The following NLGN1 variants were observed in gnomAD, a reference collection of about 807,000 sequenced individuals.
NLGN1 encodes the protein neuroligin 1, also known as neuroligin-1.
NLGN1 carries 12 observed loss-of-function variants against 65.5 expected under a neutral mutation model. The ratio of observed to expected loss-of-function variants is 0.18; its 90% confidence interval spans 0.12 to 0.30. The LOEUF (loss-of-function observed/expected upper bound fraction) is 0.30, where lower values mean the gene tolerates loss of function less well. Ranked by LOEUF, NLGN1 falls within the 10% of genes least tolerant of loss-of-function variation. NLGN1 has a pLI of 1.00. For synonymous variants in NLGN1, 350 were observed against 359.5 expected, an observed-to-expected ratio of 0.97 and a Z score of 0.30; for missense variants, 750 against 1,007.1, an observed-to-expected ratio of 0.74 and a Z score of 3.46.
intron 3 of NLGN1, among the ~76,000 whole-genome samples, chr3:173,694,960 A>G (rs1436170334): frequency 6.6e-6 from 1 of 152,186 alleles, no homozygotes; most frequent in Non-Finnish European, 1.5e-5. Context: ...AGATTTCATT[A>G]ATAAATTCTG....
chr3:173,471,193 G>A lies in NLGN1; in HGVS notation c.-321+36115G>A, dbSNP rs567698635. ...TCAGCATTAAGTTTCTAAATTCTGTGATATATCTACAGGTAGATTGGTTTT... is the reference window on the plus strand; with the variant it reads ...TCAGCATTAAGTTTCTAAATTCTGTAATATATCTACAGGTAGATTGGTTTT... On this transcript the variant is annotated intron_variant, in intron 2 of 6. Coordinates refer to ENST00000457714, the Ensembl canonical transcript of NLGN1. Among the ~76,000 whole-genome samples the A allele has an allele frequency of 8.5e-4, 129 of 152,170 alleles. 1 individual carries two copies. Among genetic ancestry groups the A allele is most frequent in the Middle Eastern group, 3.4e-3 (1 of 294 alleles).
chr3:173,421,945 A>G (rs1715138188), intron 1 of NLGN1, among the ~76,000 whole-genome samples: 1 of 152,168 alleles, frequency 6.6e-6, no homozygotes, highest in South Asian at 2.1e-4. Context: ...TAACGATTTT[A>G]CATATTAATA....
chr3:173,529,694 A>G (rs2149175198), intron 2 of NLGN1, among the ~76,000 whole-genome samples: 1 of 152,252 alleles, frequency 6.6e-6, no homozygotes, highest in South Asian at 2.1e-4. Context: ...CTCAGTAGGA[A>G]CGGTTTTGGG....
intron 2 of NLGN1, among the ~76,000 whole-genome samples, chr3:173,572,517 T>A (rs1744814491): frequency 6.6e-6 from 1 of 152,224 alleles, no homozygotes; most frequent in African/African-American, 2.4e-5. Flanking sequence ...TGCTTGCAAT[T>A]TCTGGATGAA....
intron 4 of NLGN1, among the ~76,000 whole-genome samples, chr3:174,097,921 C>G (rs1044654953): frequency 6.6e-6 from 1 of 152,068 alleles, no homozygotes; most frequent in East Asian, 1.9e-4. Flanking sequence ...AATAACTGCC[C>G]GCCATTTAAC....
chr3:173,951,123 T>A (rs1748121992), intron 4 of NLGN1, among the ~76,000 whole-genome samples: 1 of 152,036 alleles, frequency 6.6e-6, no homozygotes, highest in Admixed American at 6.5e-5. Flanking sequence ...TGCCTCGGCC[T>A]CCCAGAGTGC....
chr3:173,639,183 G>C (rs1466272421), intron 3 of NLGN1, among the ~76,000 whole-genome samples: 5 of 152,186 alleles, frequency 3.3e-5, no homozygotes, highest in Non-Finnish European at 7.3e-5. Flanking sequence ...AAATATTCAA[G>C]CAATAAACAA....
chr3:173,675,854 T>TTC (rs1208583644), intron 3 of NLGN1, among the ~76,000 whole-genome samples: 1 of 108,430 alleles, frequency 9.2e-6, no homozygotes, highest in Non-Finnish European at 2.0e-5. Flanking sequence ...CTCTCTCTCT[T>TTC]TCTCTCTCTC....
At chr3:174,150,420 T>A (rs1261589718) in intron 4 of NLGN1, among the ~76,000 whole-genome samples, 1 of 152,128 alleles carries the variant, frequency 6.6e-6, no homozygotes, top group Non-Finnish European at 1.5e-5. Context: ...CACTGTAGGA[T>A]GTTTAATAGC....
At chr3:173,621,277 A>G (rs1753943491) in intron 3 of NLGN1, among the ~76,000 whole-genome samples, 1 of 152,172 alleles carries the variant, frequency 6.6e-6, no homozygotes, top group African/African-American at 2.4e-5. Flanking sequence ...TCTTAGAAGA[A>G]TAATATTTGG....
intron 4 of NLGN1, among the ~76,000 whole-genome samples, chr3:174,144,573 A>G (rs986357009): frequency 6.6e-6 from 1 of 152,138 alleles, no homozygotes; most frequent in Non-Finnish European, 1.5e-5. Context: ...CCTCTCCAGC[A>G]TCCTTTGTTT....
chr3:173,459,012 C>G (rs1451846858), intron 2 of NLGN1, among the ~76,000 whole-genome samples: 1 of 152,062 alleles, frequency 6.6e-6, no homozygotes, highest in Non-Finnish European at 1.5e-5. Context: ...TCTCCAGCCA[C>G]AGAGAGCCTG....
chr3:173,684,183 AT>A (rs759348795), intron 3 of NLGN1, among the ~76,000 whole-genome samples: 27 of 152,190 alleles, frequency 1.8e-4, no homozygotes, highest in African/African-American at 6.3e-4. Flanking sequence ...TTCAAAAAAA[AT>A]CATTTGCTTT....
chr3:173,696,951 A>C (rs1376324544), intron 3 of NLGN1, among the ~76,000 whole-genome samples: 1 of 152,180 alleles, frequency 6.6e-6, no homozygotes, highest in Non-Finnish European at 1.5e-5. Flanking sequence ...ATTTTTATGA[A>C]GAAAAAATTT....
At chr3:173,905,833 T>C (rs897646181) in intron 4 of NLGN1, among the ~76,000 whole-genome samples, 21 of 152,162 alleles carry the variant, frequency 1.4e-4, no homozygotes, top group African/African-American at 4.8e-4. Flanking sequence ...TTCTGACAAC[T>C]CTTATCTAAC....
intron 4 of NLGN1, among the ~76,000 whole-genome samples, chr3:173,921,231 A>G (rs1741954316): frequency 2.7e-5 from 4 of 147,568 alleles, no homozygotes; most frequent in South Asian, 2.1e-4. Context: ...CTATGCATGT[A>G]TAATATATGG....
At chr3:174,235,599 T>C (rs766104120) in intron 4 of NLGN1, among the ~76,000 whole-genome samples, 3 of 152,166 alleles carry the variant, frequency 2.0e-5, no homozygotes, top group Non-Finnish European at 4.4e-5. Context: ...ACAGAGGATC[T>C]GTTTTAATAC....
intron 4 of NLGN1, among the ~76,000 whole-genome samples, chr3:173,966,159 G>A (rs1488629069): frequency 2.0e-5 from 3 of 152,112 alleles, no homozygotes; most frequent in African/African-American, 7.2e-5. Flanking sequence ...TGTAACAATA[G>A]AGCCAATGAC....
At chr3:173,520,749 A>C (rs1455324992) in intron 2 of NLGN1, among the ~76,000 whole-genome samples, 1 of 152,238 alleles carries the variant, frequency 6.6e-6, no homozygotes, top group African/African-American at 2.4e-5. Flanking sequence ...TTAAGGAACA[A>C]ACAAACAGAA....
Sources: allele counts gnomAD v4.1 joint callset (sites outside exome capture counted in the v4.1 genomes callset), GRCh38; gene constraint gnomAD v4.1.1; transcripts MANE v1.5; gene names NCBI Gene and HGNC (gene_info 2026-07-23, HGNC 2026-07-21).